SLC22A15: variants seen among roughly 807,000 people sequenced by gnomAD.
SLC22A15 encodes the protein solute carrier family 22 member 15.
Under a neutral mutation model 62.7 loss-of-function variants are expected in SLC22A15, and 45 were observed. The ratio of observed to expected loss-of-function variants is 0.72; its 90% CI spans 0.56 to 0.92. The LOEUF is 0.92. Ranked by LOEUF, SLC22A15 falls within the 40% of genes least tolerant of loss-of-function variation. The pLI, the probability that SLC22A15 is intolerant of heterozygous loss-of-function variation, is 0.00. For missense variants in SLC22A15, 622 were observed against 665.6 expected (o/e 0.93, Z 0.72); for synonymous variants, 264 against 267.0 (o/e 0.99, Z 0.11).
At chr1:115,977,354 A>G (rs1451103615) in intron 1 of SLC22A15, among the ~76,000 whole-genome samples, 3 of 152,216 alleles carry the variant, frequency 2.0e-5, no homozygotes, top group Non-Finnish European at 4.4e-5. Context: ...ATGTGTGGTT[A>G]TCAAATGGAA....
chr1:116,030,735 A>C (rs978410162), intron 5 of SLC22A15, among the ~76,000 whole-genome samples: 7 of 152,202 alleles, frequency 4.6e-5, no homozygotes, highest in African/African-American at 1.7e-4. Context: ...CTCAGGACAT[A>C]TTAAAGCCAG....
chr1:116,055,135 C>A (rs1658166176), intron 8 of SLC22A15, among the ~76,000 whole-genome samples: 1 of 148,134 alleles, frequency 6.8e-6, no homozygotes, highest in South Asian at 2.2e-4. Context: ...TTGAAAGGAT[C>A]AACAAAATTG....
chr1:116,005,120 A>G (rs184293280), intron 2 of SLC22A15, among the ~76,000 whole-genome samples: 30 of 152,290 alleles, frequency 2.0e-4, no homozygotes, highest in Non-Finnish European at 3.5e-4. Context: ...TTTTTAAAGA[A>G]TGAGCATTTT....
In SLC22A15 at chr1:115,992,023, T is replaced by A. The variant is rs778269379; in HGVS notation, c.88-8T>A. The A allele has an allele frequency of 8.1e-6, 13 of 1,612,558 alleles. No individual in the cohort carries two copies. Among genetic ancestry groups the A allele is most frequent in the Non-Finnish European group, 1.0e-5 (12 of 1,179,532 alleles). On this transcript the variant is annotated splice_polypyrimidine_tract_variant and splice_region_variant and intron_variant, in intron 1 of 11. Coordinates refer to ENST00000369503, the MANE Select transcript of SLC22A15 (RefSeq NM_018420.3). ...GCAGTGTTTGGTTCTGTGTGTTTGC[T>A]CTTTCAGCTCTACGTGGCCACGGAG... is the stretch of plus-strand genomic sequence containing the variant.
chr1:116,053,482 A>C (rs1320049688), intron 8 of SLC22A15, among the ~76,000 whole-genome samples: 1 of 152,246 alleles, frequency 6.6e-6, no homozygotes, highest in Non-Finnish European at 1.5e-5. Context: ...AACACTCTGC[A>C]GGATATTATC....
chr1:116,006,696 T>A (rs1039196452), intron 2 of SLC22A15, among the ~76,000 whole-genome samples: 11 of 151,948 alleles, frequency 7.2e-5, no homozygotes, highest in Non-Finnish European at 1.3e-4. Flanking sequence ...CCTTCTGTCC[T>A]TATTGCTCTT....
chr1:116,054,646 A>G (rs1054517750), intron 8 of SLC22A15, among the ~76,000 whole-genome samples: 1 of 152,224 alleles, frequency 6.6e-6, no homozygotes, highest in Non-Finnish European at 1.5e-5. Flanking sequence ...AATTGACCAC[A>G]TAGTTGGAAA....
At chr1:116,030,841 C>A (rs1039532293) in intron 5 of SLC22A15, among the ~76,000 whole-genome samples, 1 of 152,114 alleles carries the variant, frequency 6.6e-6, no homozygotes, top group African/African-American at 2.4e-5. Flanking sequence ...AAGATAATCT[C>A]TACCTCCTAC....
chr1:116,053,878 C>G (rs1658126893), intron 8 of SLC22A15, among the ~76,000 whole-genome samples: 1 of 151,580 alleles, frequency 6.6e-6, no homozygotes, highest in South Asian at 2.1e-4. Context: ...ACCACCAGGC[C>G]TGCCCTAAAA....
At chr1:116,001,900 G>A (rs952544574) in intron 2 of SLC22A15, among the ~76,000 whole-genome samples, 1 of 152,080 alleles carries the variant, frequency 6.6e-6, no homozygotes, top group African/African-American at 2.4e-5. Flanking sequence ...GTGGATGTTC[G>A]TCAATGCCTG....
chr1:116,057,537 T>C (rs966850532), intron 8 of SLC22A15, among the ~76,000 whole-genome samples: 71 of 152,242 alleles, frequency 4.7e-4, no homozygotes, highest in African/African-American at 1.5e-3. Context: ...TACCATTTGA[T>C]CCAGCCATCC....
At chr1:116,028,523 C>CTTTTTT (rs1177157642) in intron 5 of SLC22A15, among the ~76,000 whole-genome samples, 2 of 84,056 alleles carry the variant, frequency 2.4e-5, no homozygotes, top group Non-Finnish European at 4.5e-5. Context: ...AGCTGTTCTG[C>CTTTTTT]TTTTTTTTTT....
chr1:116,054,940 C>T (rs1482141611), intron 8 of SLC22A15, among the ~76,000 whole-genome samples: 4 of 151,726 alleles, frequency 2.6e-5, no homozygotes, highest in East Asian at 1.9e-4. Context: ...TAAATGCCCA[C>T]GAGAGAAAGC....
At chr1:115,995,713 A>T (rs1402049277) in intron 2 of SLC22A15, among the ~76,000 whole-genome samples, 1 of 152,134 alleles carries the variant, frequency 6.6e-6, no homozygotes, top group African/African-American at 2.4e-5. Flanking sequence ...TTGGATTCCT[A>T]TTCTTTTCAA....
chr1:116,049,053 A>G (rs1012550547), intron 8 of SLC22A15, among the ~76,000 whole-genome samples: 2 of 152,206 alleles, frequency 1.3e-5, no homozygotes, highest in Non-Finnish European at 2.9e-5. Flanking sequence ...AAATATCACA[A>G]TCCTAAACAC....
At chr1:116,040,041 C>T (rs907666185) in intron 8 of SLC22A15, among the ~76,000 whole-genome samples, 23 of 152,178 alleles carry the variant, frequency 1.5e-4, no homozygotes, top group African/African-American at 5.6e-4. Flanking sequence ...TTCAGTCTTG[C>T]CTTTCTGCCA....
intron 4 of SLC22A15, 121 bp from the exon 5 acceptor site, chr1:116,026,772 T>TTAAAAAA: frequency 8.5e-7 from 1 of 1,173,106 alleles, no homozygotes; most frequent in Admixed American, 2.4e-5. Context: ...GGTGTGCCTC[T>TTAAAAAA]TATAGTTGCC....
At chr1:115,979,007 A>G (rs1003040745) in intron 1 of SLC22A15, among the ~76,000 whole-genome samples, 1 of 152,214 alleles carries the variant, frequency 6.6e-6, no homozygotes, top group Non-Finnish European at 1.5e-5. Flanking sequence ...CCTTCTCCCC[A>G]TCTGCGATTT....
chr1:116,027,388 T>C (rs1335753781), intron 5 of SLC22A15: 1 of 517,226 alleles, frequency 1.9e-6, no homozygotes, highest in African/African-American at 1.9e-5. Flanking sequence ...AACAGTGTAT[T>C]CATATTGGAT....
Sources: gnomAD v4.1 joint callset for allele counts (sites outside exome capture counted in the v4.1 genomes callset) on GRCh38, gnomAD v4.1.1 for gene constraint, MANE v1.5 for transcripts, NCBI Gene and HGNC (gene_info 2026-07-23, HGNC 2026-07-21) for gene names.